Variants in CYB561A3 observed in about 807,000 individuals in gnomAD.
CYB561A3 encodes the protein cytochrome b561 family member A3, also known as lysosomal membrane ascorbate-dependent ferrireductase CYB561A3.
In CYB561A3, 16 loss-of-function variants were observed where a neutral mutation model predicts 25.3. The observed-to-expected ratio is 0.63, with a 90% CI of 0.43 to 0.96. The LOEUF (loss-of-function observed/expected upper bound fraction) is 0.96. Among genes scored for constraint, CYB561A3 ranks in the 40% least tolerant of loss-of-function variants. The probability of loss-of-function intolerance (pLI) is 0.00; values close to 1 mark genes in which losing one functional copy is unlikely to be tolerated. For missense variants in CYB561A3, 219 were observed against 307.5 expected (o/e 0.71, Z 2.15); for synonymous variants, 131 against 129.9 (o/e 1.01, Z -0.06).
chr11:61,349,265 A>G lies in CYB561A3; in HGVS notation c.*1134T>C. The G allele has an allele frequency of 2.4e-6, 1 of 417,930 alleles. No homozygotes were observed. The highest frequency in any genetic ancestry group is 2.4e-5 in the South Asian group (1 of 41,456). 25.9% of individuals were successfully genotyped at this position (417,930 alleles called of 1,614,324 possible). On this transcript the variant is annotated 3_prime_UTR_variant, in exon 7 of 7. Coordinates refer to ENST00000294072, the MANE Select transcript of CYB561A3 (RefSeq NM_153611.6). ...GCTAGGTTGGGCCAGGCAAGCAGCC[A>G]TGGTGGGGCCAGGTGAAGCAATGTG...
Position 61,353,961 on chromosome 11 carries a change from C to T in CYB561A3, c.216G>A (p.Trp72Ter). ...GTTTCCAGGGCAGTTTGGGCCCCAC[C>T]CACGACTGGGGCAGGCGGTACACCA... ...ASLVYRLPQS[W>*]VGPKLPWKLL... is the part of the protein sequence containing the mutation. Residue 72 changes from tryptophan to a stop codon, truncating the protein, a stop_gained, in exon 4 of 7, where the codon TGG (tryptophan) becomes TGA (stop). Coordinates refer to ENST00000294072, the MANE Select transcript of CYB561A3 (RefSeq NM_153611.6). LOFTEE classifies it high-confidence loss of function. The T allele has an allele frequency of 6.2e-7, 1 of 1,614,168 alleles. No individual in the cohort carries two copies. Among genetic ancestry groups the T allele is most frequent in the Non-Finnish European group, 8.5e-7 (1 of 1,180,038 alleles).
chr11:61,353,699 G>A, intron 4 of CYB561A3, 85 bp downstream of exon 4: 1 of 1,371,072 alleles, frequency 7.3e-7, no homozygotes, highest in Non-Finnish European at 1.0e-6. Flanking sequence ...AGTGAGCAGA[G>A]GAATATTTGG....
chr11:61,360,965 G>C (rs766601854), intron 1 of CYB561A3: 12 of 140,168 alleles, frequency 8.6e-5, no homozygotes, highest in Non-Finnish European at 1.8e-4. Flanking sequence ...GCGACAGAGT[G>C]AGACTCTGTC....
rs114589636 is a variant in CYB561A3 at position 61,353,531 on chromosome 11, T to G, written c.393+253A>C. ...AGATGGCTGATTAGAGTCAGCATAG[T>G]GCGTGCCATGACAAAGTTAGCAGAG... is the stretch of plus-strand genomic sequence containing the variant. On this transcript the variant is annotated intron_variant, in intron 4 of 6. Transcript: ENST00000294072. The G allele has an allele frequency of 1.1e-3, 771 of 684,734 alleles. 6 individuals are homozygous for G. The African/African-American group carries it at 0.012, about 11-fold the overall frequency. The allele number at this position is 684,734 out of a possible 1,614,324, so 42.4% of individuals were successfully genotyped here. A position where few individuals can be genotyped will look rare whatever the true frequency, so the allele number is the denominator to read the frequency against.
chr11:61,356,645 G>A lies in CYB561A3; in HGVS notation c.69C>T (p.Phe23=). 1 of 1,614,194 alleles carries A rather than the reference G, an allele frequency of 6.2e-7. No individual in the cohort carries two copies. Among genetic ancestry groups the A allele is most frequent in the Non-Finnish European group, 8.5e-7 (1 of 1,180,040 alleles). Residue 23 remains phenylalanine (F), a synonymous_variant, in exon 3 of 7, where the codon TTC becomes TTT. Transcript: ENST00000294072. ...GCCAGTACTGCATCCAGTAGATAGT[G>A]AAGAGGATGCACATAGAGCCCAGGG... is the stretch of plus-strand genomic sequence containing the variant. ...LGSLGSMCIL[F]TIYWMQYWRG... is the part of the protein sequence containing the mutation.
intron 1 of CYB561A3, chr11:61,359,936 G>GCCTCTGC (rs1857781050): frequency 6.6e-6 from 1 of 152,470 alleles, no homozygotes; most frequent in Non-Finnish European, 1.5e-5. Flanking sequence ...CACGAGAATT[G>GCCTCTGC]CTTGAACCCA....
At chr11:61,355,303 G>A (rs1037233984) in intron 3 of CYB561A3, among the ~76,000 whole-genome samples, 4 of 152,122 alleles carry the variant, frequency 2.6e-5, no homozygotes, top group Non-Finnish European at 4.4e-5. Flanking sequence ...CAATGGCATC[G>A]TATTGCCATT....
intron 3 of CYB561A3, 73 bp from the exon 4 acceptor site, chr11:61,354,065 T>C (rs749255152): frequency 2.7e-5 from 41 of 1,527,724 alleles, no homozygotes; most frequent in Admixed American, 5.4e-5. Flanking sequence ...ATAACCCTGA[T>C]AGGATCCTAC....
intron 3 of CYB561A3, chr11:61,354,615 T>A (rs1168563835): frequency 6.6e-6 from 1 of 152,128 alleles, no homozygotes; most frequent in Non-Finnish European, 1.5e-5. Context: ...CACTCTAGCC[T>A]GAAAAAGAGG....
At chr11:61,355,110 C>T (rs556575417) in intron 3 of CYB561A3, among the ~76,000 whole-genome samples, 54 of 152,028 alleles carry the variant, frequency 3.6e-4, no homozygotes, top group Non-Finnish European at 6.6e-4. Context: ...CCTCATGATC[C>T]GCCCACCTCA....
chr11:61,360,646 G>A (rs1857820784), intron 1 of CYB561A3: 1 of 152,196 alleles, frequency 6.6e-6, no homozygotes, highest in Non-Finnish European at 1.5e-5. Context: ...CCAGGGGTAA[G>A]AAATGCTAGT....
At chr11:61,356,380 C>T in intron 3 of CYB561A3, 150 bp downstream of exon 3, 1 of 1,018,782 alleles carries the variant, frequency 9.8e-7, no homozygotes. Flanking sequence ...CCTTCCTCCC[C>T]CAAATGACAG....
At chr11:61,350,743 G>C in intron 6 of CYB561A3, 1 of 603,562 alleles carries the variant, frequency 1.7e-6, no homozygotes, top group Non-Finnish European at 2.8e-6. Context: ...TCACCCCACA[G>C]AACCACAGTG....
intron 1 of CYB561A3, 29 bp from the exon 2 acceptor site, chr11:61,357,857 C>A (rs1434834671): frequency 6.6e-6 from 1 of 152,624 alleles, no homozygotes; most frequent in Non-Finnish European, 1.5e-5. Context: ...AGTAAGAATA[C>A]TTGAACAGTA....
intron 6 of CYB561A3, chr11:61,350,780 A>G (rs187388014): frequency 1.4e-4 from 94 of 672,260 alleles, no homozygotes; most frequent in African/African-American, 5.1e-4. Context: ...CTGTCTCCCA[A>G]TGGACAGACT....
intron 5 of CYB561A3, chr11:61,351,724 T>G (rs2135104942): frequency 6.6e-6 from 1 of 152,322 alleles, no homozygotes; most frequent in Non-Finnish European, 1.5e-5. Context: ...GAGACTAGCC[T>G]GTGCAACATA....
chr11:61,357,425 C>A, intron 2 of CYB561A3: 1 of 555,678 alleles, frequency 1.8e-6, no homozygotes, highest in Admixed American at 3.5e-5. Flanking sequence ...GTCCAGAAAG[C>A]AAGAGATTTA....
At position 61,353,028 on chromosome 11, in the gene CYB561A3, C is replaced by T. The variant is rs375115347; in HGVS notation, c.505G>A (p.Ala169Thr). The T allele has an allele frequency of 4.2e-5, 67 of 1,613,956 alleles. No homozygotes were observed. The highest frequency in any genetic ancestry group is 1.1e-4 in the East Asian group (5 of 44,886). Residue 169 changes from alanine to threonine, a missense_variant, in exon 5 of 7, where the codon GCA (alanine) becomes ACA (threonine). Physicochemically the swap from Ala to Thr is moderately conservative, Grantham distance 58. Transcript: ENST00000294072. ...FGAAILSLSI[A>T]SVISGINEKL... ...TCATTAATGCCCGAAATGACGGATG[C>T]GATGGACAGAGAGAGGATGGCGGCT...
upstream of CYB561A3, chr11:61,362,147 A>G (rs1311118895): frequency 6.6e-6 from 1 of 152,374 alleles, no homozygotes; most frequent in African/African-American, 2.4e-5. Context: ...GCCTCCCACT[A>G]CGAGCCGGCC....
Sources: gnomAD v4.1 joint callset for allele counts (sites outside exome capture counted in the v4.1 genomes callset) on GRCh38, gnomAD v4.1.1 for gene constraint, MANE v1.5 for transcripts, NCBI Gene and HGNC (gene_info 2026-07-23, HGNC 2026-07-21) for gene names.